Variants in COLEC12 observed in about 807,000 individuals in gnomAD.
COLEC12 encodes the protein collectin subfamily member 12, also known as collectin-12.
A neutral mutation model predicts 71.1 loss-of-function variants in COLEC12; 33 were observed. That is an observed-to-expected ratio of 0.46 (90% CI 0.35 to 0.62). The LOEUF (loss-of-function observed/expected upper bound fraction) is 0.62. Ranked by LOEUF, COLEC12 falls within the 20% of genes least tolerant of loss-of-function variation. The probability of loss-of-function intolerance (pLI) is 0.00; values close to 1 mark genes in which losing one functional copy is unlikely to be tolerated. For missense variants in COLEC12, 765 were observed against 916.1 expected (o/e 0.84, Z 2.13); for synonymous variants, 350 against 353.0 (o/e 0.99, Z 0.10).
chr18:432,731 TAC>T (rs1916329094), intron 2 of COLEC12, among the ~76,000 whole-genome samples: 1 of 151,810 alleles, frequency 6.6e-6, no homozygotes, highest in Non-Finnish European at 1.5e-5. Context: ...ACATCTGATA[TAC>T]TGTCTATCTG....
intron 2 of COLEC12, among the ~76,000 whole-genome samples, chr18:411,497 C>G (rs1434567406): frequency 1.3e-5 from 2 of 152,014 alleles, no homozygotes; most frequent in Non-Finnish European, 2.9e-5. Context: ...GAAAAAAAAG[C>G]CTTGGAAAAG....
intron 2 of COLEC12, chr18:423,925 G>C (rs550638999): frequency 6.6e-6 from 1 of 152,250 alleles, no homozygotes; most frequent in East Asian, 1.9e-4. Context: ...CTGATGTCAA[G>C]CTTTAATGCC....
At chr18:409,455 G>A (rs1168455339) in intron 2 of COLEC12, among the ~76,000 whole-genome samples, 1 of 152,124 alleles carries the variant, frequency 6.6e-6, no homozygotes, top group Non-Finnish European at 1.5e-5. Flanking sequence ...AATCCACGAG[G>A]TGGAGGTTGC....
At chr18:478,958 T>G (rs1280044512) in intron 2 of COLEC12, among the ~76,000 whole-genome samples, 1 of 152,202 alleles carries the variant, frequency 6.6e-6, no homozygotes, top group East Asian at 1.9e-4. Context: ...CCCATCCAAC[T>G]GGTAATATGG....
intron 2 of COLEC12, among the ~76,000 whole-genome samples, chr18:445,924 G>A (rs561684360): frequency 6.6e-6 from 1 of 152,196 alleles, no homozygotes; most frequent in African/African-American, 2.4e-5. Context: ...GAGTCACTGC[G>A]CCCAGCCTAA....
intron 2 of COLEC12, among the ~76,000 whole-genome samples, chr18:454,010 C>A (rs569678960): frequency 6.6e-6 from 1 of 152,334 alleles, no homozygotes; most frequent in Admixed American, 6.5e-5. Flanking sequence ...GAGGCACAAC[C>A]TCCTACAGAT....
At chr18:472,958 C>T (rs1204817572) in intron 2 of COLEC12, among the ~76,000 whole-genome samples, 6 of 151,932 alleles carry the variant, frequency 3.9e-5, no homozygotes, top group Non-Finnish European at 8.8e-5. Context: ...TAATAATAGC[C>T]ACAATTTAGT....
In COLEC12 at chr18:326,737, G is replaced by A. The variant is rs566425705; in HGVS notation, c.2064-4930C>T. Among the ~76,000 whole-genome samples, 48 of 152,292 alleles carry A rather than the reference G, an allele frequency of 3.2e-4. 1 individual carries two copies. The highest frequency in any genetic ancestry group is 1.2e-3 in the African/African-American group (48 of 41,552). ...CTTGGTGAATGTACCACATGCACCT[G>A]AAAAGAATATGTATTTGCAGATGTT... is the stretch of plus-strand genomic sequence containing the variant. On this transcript the variant is annotated intron_variant, in intron 8 of 9. Transcript: ENST00000400256.
At chr18:389,364 C>T (rs1237179032) in intron 2 of COLEC12, among the ~76,000 whole-genome samples, 2 of 151,548 alleles carry the variant, frequency 1.3e-5, no homozygotes, top group Admixed American at 6.6e-5. Flanking sequence ...CTGCAAGCTC[C>T]GCCTCCCAGG....
intron 1 of COLEC12, among the ~76,000 whole-genome samples, chr18:492,947 T>C (rs149024539): frequency 6.1e-4 from 93 of 152,302 alleles, no homozygotes; most frequent in African/African-American, 2.1e-3. Flanking sequence ...CTCATGCCTG[T>C]AATCCCAGCA....
chr18:359,756 T>C (rs1172455337), intron 2 of COLEC12, among the ~76,000 whole-genome samples: 2 of 152,212 alleles, frequency 1.3e-5, no homozygotes, highest in African/African-American at 4.8e-5. Flanking sequence ...TGTGTCTTAC[T>C]AATAGCGTCC....
chr18:462,596 G>A (rs889006501), intron 2 of COLEC12, among the ~76,000 whole-genome samples: 4 of 152,188 alleles, frequency 2.6e-5, no homozygotes, highest in African/African-American at 9.7e-5. Context: ...GTTCTAAATT[G>A]ATGGTGGTAG....
At chr18:461,076 T>C (rs983258120) in intron 2 of COLEC12, among the ~76,000 whole-genome samples, 7 of 152,200 alleles carry the variant, frequency 4.6e-5, no homozygotes, top group Non-Finnish European at 7.3e-5. Flanking sequence ...TCTGCAGTGA[T>C]GAAAATAATT....
At chr18:364,538 C>A (rs1206725392) in intron 2 of COLEC12, among the ~76,000 whole-genome samples, 1 of 152,196 alleles carries the variant, frequency 6.6e-6, no homozygotes, top group Admixed American at 6.5e-5. Flanking sequence ...AACATTTCAG[C>A]AGCCTGACTA....
intron 2 of COLEC12, among the ~76,000 whole-genome samples, chr18:394,107 T>A (rs973043448): frequency 6.6e-6 from 1 of 152,206 alleles, no homozygotes; most frequent in African/African-American, 2.4e-5. Flanking sequence ...CCTTATAGCA[T>A]TTTATACTCA....
At chr18:328,414 C>T (rs1913894784) in intron 8 of COLEC12, among the ~76,000 whole-genome samples, 1 of 152,166 alleles carries the variant, frequency 6.6e-6, no homozygotes, top group Non-Finnish European at 1.5e-5. Flanking sequence ...GAACGTTTTT[C>T]TTGTCTTCTT....
intron 2 of COLEC12, among the ~76,000 whole-genome samples, chr18:388,886 C>G (rs1312000165): frequency 6.6e-6 from 1 of 152,128 alleles, no homozygotes; most frequent in Non-Finnish European, 1.5e-5. Flanking sequence ...TCTCTGGAAC[C>G]CTCTCTCCTT....
At chr18:347,936 T>G in intron 4 of COLEC12, 129 bp downstream of exon 4, 2 of 578,124 alleles carry the variant, frequency 3.5e-6, no homozygotes, top group Non-Finnish European at 6.1e-6. Flanking sequence ...GAGGGGAGAC[T>G]CAACATGCAA....
At chr18:465,216 C>A (rs1203894417) in intron 2 of COLEC12, among the ~76,000 whole-genome samples, 1 of 152,158 alleles carries the variant, frequency 6.6e-6, no homozygotes, top group Non-Finnish European at 1.5e-5. Flanking sequence ...AATTCTCGTG[C>A]CCCAGCCTCC....
Sources: gnomAD v4.1 joint callset for allele counts (sites outside exome capture counted in the v4.1 genomes callset) on GRCh38, gnomAD v4.1.1 for gene constraint, MANE v1.5 for transcripts, NCBI Gene and HGNC (gene_info 2026-07-23, HGNC 2026-07-21) for gene names.